Variants in KPNA1 observed in about 807,000 individuals in gnomAD.
The protein encoded by KPNA1 is karyopherin subunit alpha 1.
A neutral mutation model predicts 70.5 loss-of-function variants in KPNA1; 10 were observed. The observed-to-expected ratio is 0.14, with a 90% CI of 0.09 to 0.24. The LOEUF (loss-of-function observed/expected upper bound fraction) is 0.24. Ranked by LOEUF, KPNA1 falls within the 10% of genes least tolerant of loss-of-function variation. The probability of loss-of-function intolerance (pLI) is 1.00; values close to 1 mark genes in which losing one functional copy is unlikely to be tolerated. For missense variants in KPNA1, 397 were observed against 637.9 expected (o/e 0.62, Z 4.07); for synonymous variants, 192 against 221.9 (o/e 0.87, Z 1.20).
rs958041250 is a variant in KPNA1 at position 122,514,377 on chromosome 3, C to G, written c.-6+380G>C. 1.4e-4 allele frequency: 21 copies of G among 151,782 alleles called. 1 individual carries two copies. Among genetic ancestry groups the G allele is most frequent in the Non-Finnish European group, 3.0e-5 (2 of 67,680 alleles). 9.4% of individuals were successfully genotyped at this position (151,782 alleles called of 1,614,324 possible). ...CTCTGCGCGGCCCACCCCCGCCTCC[C>G]GCCCGCCGCCCGGCCGCGGCGCAGG... On this transcript the variant is annotated intron_variant, in intron 1 of 13. Coordinates refer to ENST00000344337, the MANE Select transcript of KPNA1 (RefSeq NM_002264.4).
chr3:122,471,645 G>A (rs1316426226), intron 2 of KPNA1, among the ~76,000 whole-genome samples: 2 of 152,094 alleles, frequency 1.3e-5, no homozygotes, highest in Non-Finnish European at 2.9e-5. Flanking sequence ...AGTTCAAGAC[G>A]AGCCTGGCCA....
intron 9 of KPNA1, among the ~76,000 whole-genome samples, chr3:122,444,874 C>T (rs750469177): frequency 6.6e-6 from 1 of 152,142 alleles, no homozygotes; most frequent in Non-Finnish European, 1.5e-5. Context: ...AAAAAGGACA[C>T]CCACACCAAA....
In KPNA1 at chr3:122,483,347, T is replaced by G. The variant is rs574342771; in HGVS notation, c.129+13090A>C. Reference sequence around the variant, plus strand: ...TCTGGTTTTTTCATTGTTGTTGTTTTGTTTTGTTTTTTTTAAATTGGAGTT... The same window carrying G: ...TCTGGTTTTTTCATTGTTGTTGTTTGGTTTTGTTTTTTTTAAATTGGAGTT... On this transcript the variant is annotated intron_variant, in intron 2 of 13. Transcript: ENST00000344337. 9 of 154,618 alleles carry G rather than the reference T, an allele frequency of 5.8e-5. No homozygotes were observed. In the South Asian group the frequency reaches 1.7e-3, roughly 30 times the overall value. 9.6% of individuals were successfully genotyped at this position (154,618 alleles called of 1,614,324 possible). A position where few individuals can be genotyped will look rare whatever the true frequency, so the allele number is the denominator to read the frequency against.
chr3:122,446,246 T>C (rs937483760), intron 9 of KPNA1, among the ~76,000 whole-genome samples: 8 of 152,230 alleles, frequency 5.3e-5, no homozygotes, highest in African/African-American at 1.2e-4. Context: ...ATTGTACTTA[T>C]TCTAAAACTG....
At chr3:122,465,517 T>C (rs1326444398) in intron 3 of KPNA1, among the ~76,000 whole-genome samples, 1 of 152,250 alleles carries the variant, frequency 6.6e-6, no homozygotes, top group Non-Finnish European at 1.5e-5. Flanking sequence ...ACTGATTGCA[T>C]ATTGCTTTCA....
At chr3:122,488,366 T>G (rs1395546079) in intron 2 of KPNA1, among the ~76,000 whole-genome samples, 4 of 151,782 alleles carry the variant, frequency 2.6e-5, no homozygotes, top group African/African-American at 9.7e-5. Context: ...ACAAGAAAAT[T>G]TTTTAATCAG....
At chr3:122,495,247 C>T (rs150524629) in intron 2 of KPNA1, among the ~76,000 whole-genome samples, 206 of 80,704 alleles carry the variant, frequency 2.6e-3, no homozygotes, top group African/African-American at 7.8e-3. Flanking sequence ...GAGCGAGACT[C>T]TGCCTCAAAC....
At chr3:122,462,952 G>C (rs2107746302) in intron 4 of KPNA1, among the ~76,000 whole-genome samples, 1 of 152,258 alleles carries the variant, frequency 6.6e-6, no homozygotes, top group South Asian at 2.1e-4. Flanking sequence ...GCCGGGTGCG[G>C]TGGCTCATGC....
intron 2 of KPNA1, among the ~76,000 whole-genome samples, chr3:122,475,683 CACAGCCTAACT>C (rs1297523884): frequency 6.6e-6 from 1 of 152,124 alleles, no homozygotes; most frequent in Non-Finnish European, 1.5e-5. Context: ...TTAACTCCCC[CACAGCCTAACT>C]ACAAATATGC....
chr3:122,501,789 G>T (rs1005735001), intron 1 of KPNA1, among the ~76,000 whole-genome samples: 2 of 152,074 alleles, frequency 1.3e-5, no homozygotes, highest in Non-Finnish European at 2.9e-5. Context: ...CCACCAAGTT[G>T]TTCTGTCCTC....
chr3:122,498,920 T>C (rs570616234), intron 1 of KPNA1, among the ~76,000 whole-genome samples: 18 of 152,356 alleles, frequency 1.2e-4, no homozygotes, highest in African/African-American at 4.3e-4. Flanking sequence ...CTGTCTATAA[T>C]GTAATGTAGC....
intron 1 of KPNA1, among the ~76,000 whole-genome samples, chr3:122,506,937 AGTAGTATGTGTAAGACT>A (rs1279494352): frequency 5.3e-5 from 8 of 152,238 alleles, no homozygotes; most frequent in African/African-American, 1.9e-4. Context: ...AAACAAAACT[AGTAGTATGTGTAAGACT>A]GTTCACTGCA....
At chr3:122,464,338 T>C (rs148472166) in intron 3 of KPNA1, 172 of 246,342 alleles carry the variant, frequency 7.0e-4, no homozygotes, top group Admixed American at 1.4e-3. Flanking sequence ...TTCTTTCTTA[T>C]CAAAATTAAA....
intron 12 of KPNA1, among the ~76,000 whole-genome samples, chr3:122,428,952 G>C (rs1477554522): frequency 6.6e-6 from 1 of 152,110 alleles, no homozygotes. Flanking sequence ...TATGTCTCAT[G>C]AACATGAATA....
Position 122,467,322 on chromosome 3 carries a change from T to A in KPNA1, c.237A>T (p.Pro79=). 6.8e-7 allele frequency: 1 copy of A among 1,468,522 alleles called. No homozygotes were observed. Among genetic ancestry groups the A allele is most frequent in the South Asian group, 1.2e-5 (1 of 86,404 alleles). The allele number at this position is 1,468,522 out of a possible 1,614,324, so 91.0% of individuals were successfully genotyped here. ...CACTGAAAAGAGTTCATTATCTTAC[T>A]GGTGCCATCTCCATGTTACTAATCT... ...EAQISNMEMA[P]GGVITSDMIE... Residue 79 remains proline (P), a splice_region_variant and synonymous_variant, in exon 3 of 14, where the codon CCA becomes CCT. Coordinates refer to ENST00000344337, the MANE Select transcript of KPNA1 (RefSeq NM_002264.4).
At chr3:122,437,345 A>G (rs753750424) in intron 10 of KPNA1, 50 bp from the exon 11 acceptor site, 243 of 1,366,018 alleles carry the variant, frequency 1.8e-4, no homozygotes, top group Non-Finnish European at 2.2e-4. Flanking sequence ...TCTAAATATC[A>G]ATGTTTAACT....
At chr3:122,463,665 T>C (rs2076350329) in intron 4 of KPNA1, among the ~76,000 whole-genome samples, 2 of 152,126 alleles carry the variant, frequency 1.3e-5, no homozygotes, top group South Asian at 4.1e-4. Flanking sequence ...GTCTCTCAAT[T>C]TGAATTAACA....
At chr3:122,503,561 T>C (rs546485223) in intron 1 of KPNA1, among the ~76,000 whole-genome samples, 1 of 152,302 alleles carries the variant, frequency 6.6e-6, no homozygotes, top group East Asian at 1.9e-4. Context: ...GACAGTAGAC[T>C]TCTGTGAGCC....
intron 9 of KPNA1, among the ~76,000 whole-genome samples, chr3:122,448,953 C>T (rs1047830955): frequency 1.2e-4 from 19 of 152,300 alleles, no homozygotes; most frequent in African/African-American, 4.6e-4. Context: ...TGTATTAATA[C>T]ATTATAACTA....
Sources: gnomAD v4.1 joint callset for allele counts (sites outside exome capture counted in the v4.1 genomes callset) on GRCh38, gnomAD v4.1.1 for gene constraint, MANE v1.5 for transcripts, NCBI Gene and HGNC (gene_info 2026-07-23, HGNC 2026-07-21) for gene names.